ELAVL2: variants seen among roughly 807,000 people sequenced by gnomAD.
The protein encoded by ELAVL2 is ELAV-like protein 2.
Under a neutral mutation model 34.6 loss-of-function variants are expected in ELAVL2, and 4 were observed. The ratio of observed to expected loss-of-function variants is 0.12; its 90% CI spans 0.06 to 0.26. The LOEUF (loss-of-function observed/expected upper bound fraction) is 0.26. Among genes scored for constraint, ELAVL2 ranks in the 10% least tolerant of loss-of-function variants. ELAVL2 has a pLI of 1.00. For synonymous variants in ELAVL2, 193 were observed against 154.8 expected, an observed-to-expected ratio of 1.25 and a Z score of -1.83; for missense variants, 432 against 442.8, an observed-to-expected ratio of 0.98 and a Z score of 0.22.
the ELAVL2 span, among the ~76,000 whole-genome samples, chr9:23,841,359 A>C: frequency 1.3e-5 from 2 of 152,100 alleles, no homozygotes; most frequent in Non-Finnish European, 2.9e-5. Flanking sequence ...AGTGATTTAT[A>C]CCCTGGCATA....
At chr9:23,841,410 C>T in the ELAVL2 span, among the ~76,000 whole-genome samples, 1 of 151,962 alleles carries the variant, frequency 6.6e-6, no homozygotes, top group Non-Finnish European at 1.5e-5. Flanking sequence ...TGCTGCTACA[C>T]CACCAGACAG....
chr9:23,706,800 T>TCCC (rs987745600), intron 3 of ELAVL2, among the ~76,000 whole-genome samples: 12 of 152,156 alleles, frequency 7.9e-5, no homozygotes, highest in African/African-American at 2.9e-4. Context: ...CCAAACATTT[T>TCCC]CCCCATAATT....
At chr9:23,810,383 G>A (rs915223643) in intron 1 of ELAVL2, among the ~76,000 whole-genome samples, 1 of 151,970 alleles carries the variant, frequency 6.6e-6, no homozygotes, top group African/African-American at 2.4e-5. Context: ...GAGTGCTACA[G>A]GGACCACAGT....
intron 2 of ELAVL2, among the ~76,000 whole-genome samples, chr9:23,744,606 G>C (rs2050056883): frequency 1.3e-5 from 2 of 151,884 alleles, no homozygotes; most frequent in South Asian, 4.1e-4. Flanking sequence ...CATTATTAAG[G>C]ATTCTACTTA....
intron 2 of ELAVL2, among the ~76,000 whole-genome samples, chr9:23,746,490 G>C (rs529006065): frequency 6.6e-6 from 1 of 152,244 alleles, no homozygotes; most frequent in Non-Finnish European, 1.5e-5. Flanking sequence ...AAGGAGTTAA[G>C]TAGTAGGAAG....
chr9:23,803,884 G>T, intron 1 of ELAVL2, among the ~76,000 whole-genome samples: 1 of 152,050 alleles, frequency 6.6e-6, no homozygotes, highest in East Asian at 1.9e-4. Context: ...TCTTCCTCTG[G>T]ACTGTCAACC....
In ELAVL2 at chr9:23,762,177, T is replaced by C. The variant is rs1455394705; in HGVS notation, c.58A>G (p.Thr20Ala). ...TCNNTANGPT[T>A]INNNCSSPVD... ...GGTGACGAACAGTTGTTGTTTATGGTGGTTGGACCATTGGCTGTGTTATTG... is the reference window on the plus strand; with the variant it reads ...GGTGACGAACAGTTGTTGTTTATGGCGGTTGGACCATTGGCTGTGTTATTG... The change falls in exon 2 of 7, where the codon ACC becomes GCC. Residue 20 changes from threonine (T) to alanine (A), a missense_variant. By Grantham distance (58) the Thr-to-Ala change is moderately conservative. Coordinates refer to ENST00000397312, the MANE Select transcript of ELAVL2 (RefSeq NM_004432.5). The C allele has an allele frequency of 3.1e-6, 5 of 1,613,524 alleles. No individual in the cohort carries two copies. In the African/African-American group the frequency reaches 6.7e-5, roughly 22 times the overall value.
At chr9:23,797,526 G>A (rs1159460293) in intron 1 of ELAVL2, among the ~76,000 whole-genome samples, 1 of 152,228 alleles carries the variant, frequency 6.6e-6, no homozygotes, top group African/African-American at 2.4e-5. Flanking sequence ...GAGGGGCATG[G>A]GTGGTAGATA....
chr9:23,799,934 T>G (rs2061386904), intron 1 of ELAVL2, among the ~76,000 whole-genome samples: 1 of 152,192 alleles, frequency 6.6e-6, no homozygotes, highest in African/African-American at 2.4e-5. Flanking sequence ...CCCTCACTTT[T>G]AAACACAGCT....
chr9:23,776,429 A>G (rs754555489), intron 1 of ELAVL2, among the ~76,000 whole-genome samples: 2 of 152,160 alleles, frequency 1.3e-5, no homozygotes, highest in Non-Finnish European at 2.9e-5. Context: ...GGAAACCTGA[A>G]GTTTATACTC....
intron 1 of ELAVL2, among the ~76,000 whole-genome samples, chr9:23,794,486 G>C (rs2060679123): frequency 6.6e-6 from 1 of 152,166 alleles, no homozygotes; most frequent in Admixed American, 6.5e-5. Context: ...TTTTCTTAGG[G>C]AGTGAAAATA....
At chr9:23,793,191 C>T (rs2060522103) in intron 1 of ELAVL2, among the ~76,000 whole-genome samples, 1 of 152,152 alleles carries the variant, frequency 6.6e-6, no homozygotes, top group Non-Finnish European at 1.5e-5. Flanking sequence ...TACACAATCA[C>T]AAGGGGCTTG....
At chr9:23,770,891 T>C (rs559384749) in intron 1 of ELAVL2, among the ~76,000 whole-genome samples, 6 of 152,328 alleles carry the variant, frequency 3.9e-5, no homozygotes, top group African/African-American at 4.8e-5. Flanking sequence ...GGCAGAGACC[T>C]GCCAGTGCAA....
chr9:23,737,029 T>G (rs1299914360), intron 2 of ELAVL2, among the ~76,000 whole-genome samples: 1 of 152,182 alleles, frequency 6.6e-6, no homozygotes, highest in African/African-American at 2.4e-5. Flanking sequence ...CAGTGCACAC[T>G]GTACAGTGCT....
chr9:23,768,897 T>C (rs1368933525), intron 1 of ELAVL2, among the ~76,000 whole-genome samples: 2 of 152,160 alleles, frequency 1.3e-5, no homozygotes, highest in South Asian at 2.1e-4. Context: ...GTGATCTTCA[T>C]ACTAACTAGA....
chr9:23,850,326 G>A, the ELAVL2 span, among the ~76,000 whole-genome samples: 1 of 145,236 alleles, frequency 6.9e-6, no homozygotes, highest in African/African-American at 2.5e-5. Flanking sequence ...CCCCATCTAA[G>A]TTCACTAGCC....
At position 23,730,980 on chromosome 9, in the gene ELAVL2, ACTT is replaced by A. The variant is rs1385122554; in HGVS notation, c.333+39_333+41del. The A allele has an allele frequency of 1.9e-6, 3 of 1,548,786 alleles. No individual in the cohort carries two copies. The African/African-American group carries it at 4.1e-5, about 21-fold the overall frequency. ...TACAAATAAATCTTAATTTTTTTAA[ACTT>A]CTGTTCCGCAAGTAGATATAAAAAA... On this transcript the variant is annotated intron_variant, in intron 3 of 6. Coordinates refer to ENST00000397312, the MANE Select transcript of ELAVL2 (RefSeq NM_004432.5).
intron 3 of ELAVL2, among the ~76,000 whole-genome samples, chr9:23,716,008 G>A (rs2042200569): frequency 6.6e-6 from 1 of 152,134 alleles, no homozygotes; most frequent in Non-Finnish European, 1.5e-5. Flanking sequence ...GATAAGACAA[G>A]AGACGGGTAG....
upstream of ELAVL2, chr9:23,830,100 CA>C (rs2065450591): frequency 6.6e-6 from 1 of 152,146 alleles, no homozygotes; most frequent in Non-Finnish European, 1.5e-5. Context: ...AAAATAAATG[CA>C]AATCCAGGTA....
Sources: gnomAD v4.1 joint callset for allele counts (sites outside exome capture counted in the v4.1 genomes callset) on GRCh38, gnomAD v4.1.1 for gene constraint, MANE v1.5 for transcripts, NCBI Gene and HGNC (gene_info 2026-07-23, HGNC 2026-07-21) for gene names.